The following AADACL4 variants were observed in gnomAD, a reference collection of about 807,000 sequenced individuals.
The protein encoded by AADACL4 is arylacetamide deacetylase like 4.
In AADACL4, 9 loss-of-function variants were observed where a neutral mutation model predicts 14.1. That is an observed-to-expected ratio of 0.64 (90% CI 0.39 to 1.12). The LOEUF (loss-of-function observed/expected upper bound fraction) is 1.12, where lower values mean the gene tolerates loss of function less well. AADACL4 is among the 50% of genes most tolerant of loss of function. The pLI is 0.01. For missense variants in AADACL4, 531 were observed against 516.1 expected, an observed-to-expected ratio of 1.03 and a Z score of -0.28; for synonymous variants, 188 against 201.6, an observed-to-expected ratio of 0.93 and a Z score of 0.57.
chr1:12,651,999 T>G (rs952251079), intron 2 of AADACL4, among the ~76,000 whole-genome samples: 1 of 151,896 alleles, frequency 6.6e-6, no homozygotes, highest in Non-Finnish European at 1.5e-5. Flanking sequence ...CAGCTAATTT[T>G]TTTTTTTTTG....
At chr1:12,665,157 A>G (rs188301477) in intron 3 of AADACL4, among the ~76,000 whole-genome samples, 174 of 152,340 alleles carry the variant, frequency 1.1e-3, no homozygotes, top group African/African-American at 4.1e-3. Context: ...CCTCCTGAGT[A>G]ACTGAGACTA....
chr1:12,665,581 C>T (rs998519017), intron 3 of AADACL4, among the ~76,000 whole-genome samples: 34 of 152,310 alleles, frequency 2.2e-4, no homozygotes, highest in African/African-American at 8.2e-4. Flanking sequence ...TTGACTTTAA[C>T]TTTAGTGTTC....
intron 1 of AADACL4, among the ~76,000 whole-genome samples, chr1:12,645,156 A>C (rs1196211656): frequency 6.2e-4 from 51 of 81,812 alleles, no homozygotes; most frequent in South Asian, 1.5e-3. Flanking sequence ...TCCTTCCTTC[A>C]TTCTCTCTCT....
Position 12,644,551 on chromosome 1 carries a change from C to A in AADACL4, c.5C>A (p.Ala2Asp), listed in dbSNP as rs1457888141. The change falls in exon 1 of 4, where the codon GCT becomes GAT. Residue 2 changes from alanine to aspartate, a missense_variant. By Grantham distance (126) the Ala-to-Asp change is moderately radical. Coordinates refer to ENST00000376221, the MANE Select transcript of AADACL4 (RefSeq NM_001013630.2). Reference protein sequence around the residue: MAVPWLVLLLAL... With the variant: MDVPWLVLLLAL... ...GCTCCTCAAGGCCCCAGGAACATGG[C>A]TGTCCCCTGGCTAGTGCTACTCTTG... The A allele has an allele frequency of 1.2e-6, 2 of 1,613,680 alleles. No homozygotes were observed. The highest frequency in any genetic ancestry group is 3.3e-5 in the Admixed American group (2 of 59,986).
intron 2 of AADACL4, among the ~76,000 whole-genome samples, chr1:12,661,285 C>G (rs1294783748): frequency 2.6e-5 from 4 of 152,166 alleles, no homozygotes; most frequent in Non-Finnish European, 5.9e-5. Flanking sequence ...TTGAGAATGA[C>G]TGCATTAGAA....
At position 12,666,884 on chromosome 1, in the gene AADACL4, G is replaced by T; in HGVS notation, c.*149G>T. The T allele has an allele frequency of 1.3e-6, 1 of 773,294 alleles. No homozygotes were observed. The highest frequency in any genetic ancestry group is 2.0e-6 in the Non-Finnish European group (1 of 509,016). The allele number at this position is 773,294 out of a possible 1,614,324, so 47.9% of individuals were successfully genotyped here. On this transcript the variant is annotated 3_prime_UTR_variant, in exon 4 of 4. Transcript: ENST00000376221. ...GGGTGAGAAGTAAGCTAACAGTCTT[G>T]CTTAGTATTCAAGAAAATCCAAACT...
Position 12,644,170 on chromosome 1 carries a change from C to T in AADACL4, c.-377C>T, listed in dbSNP as rs545517273. Among the ~76,000 whole-genome samples, 24 of 152,332 alleles carry T rather than the reference C, an allele frequency of 1.6e-4. No individual in the cohort carries two copies. The South Asian group carries it at 4.6e-3, about 29-fold the overall frequency. On this transcript the variant is annotated 5_prime_UTR_variant, in exon 1 of 4. Transcript: ENST00000376221. The stretch of plus-strand genomic sequence containing the variant: ...AAGGAAAGCTGGCGAAGTCTCTTAT[C>T]TTACAGTTGAAAGATCAGGCCCTGG...
chr1:12,651,538 T>C (rs902947659), intron 2 of AADACL4, among the ~76,000 whole-genome samples, 199 bp downstream of exon 2: 1 of 152,210 alleles, frequency 6.6e-6, no homozygotes, highest in Non-Finnish European at 1.5e-5. Flanking sequence ...AATCCTTTTC[T>C]TTTCTTTAAT....
intron 1 of AADACL4, among the ~76,000 whole-genome samples, chr1:12,648,418 A>G (rs1423818155): frequency 8.3e-6 from 1 of 120,372 alleles, no homozygotes; most frequent in Non-Finnish European, 1.6e-5. Context: ...TTTTTTTGAG[A>G]TGGAGTCTCA....
Position 12,666,053 on chromosome 1 carries a change from G to A in AADACL4, c.542G>A (p.Gly181Glu), listed in dbSNP as rs1230682558. 2 of 1,614,208 alleles carry A rather than the reference G, an allele frequency of 1.2e-6. No homozygotes were observed. The highest frequency in any genetic ancestry group is 1.7e-6 in the Non-Finnish European group (2 of 1,180,040). The change falls in exon 4 of 4, where the codon GGG becomes GAG. Residue 181 changes from glycine to glutamate, a missense_variant. By Grantham distance (98) the Gly-to-Glu change is moderately conservative. Coordinates refer to ENST00000376221, the MANE Select transcript of AADACL4 (RefSeq NM_001013630.2). ...TTCCTGAAGGCCCTGGAAACCTATGGGGTGGACCCCTCCAGGGTTGTGGTC... is the reference window on the plus strand; with the variant it reads ...TTCCTGAAGGCCCTGGAAACCTATGAGGTGGACCCCTCCAGGGTTGTGGTC... ...IHFLKALETYGVDPSRVVVCG... is the reference protein window; with the variant it reads ...IHFLKALETYEVDPSRVVVCG...
chr1:12,658,079 TTCTTTCTTTC>T (rs1405639376), intron 2 of AADACL4, among the ~76,000 whole-genome samples: 12 of 145,886 alleles, frequency 8.2e-5, no homozygotes, highest in Non-Finnish European at 1.3e-4. Flanking sequence ...CTTTCTTTCT[TTCTTTCTTTC>T]TCTTTCTTTC....
At position 12,644,704 on chromosome 1, in the gene AADACL4, T is replaced by C. The variant is rs747425045; in HGVS notation, c.158T>C (p.Leu53Pro). ...LRFLHCIFLY[L>P]VTLGNIFEKL... ...TTCCTGCATTGCATATTCCTCTACC[T>C]GGTCACTTTGGTGAGTTTACTCTCA... Residue 53 changes from leucine (L) to proline (P), a missense_variant, in exon 1 of 4, where the codon CTG becomes CCG. Leu to Pro is a moderately conservative substitution (Grantham distance 98, BLOSUM62 -3). Transcript: ENST00000376221. The C allele has an allele frequency of 3.7e-6, 6 of 1,613,828 alleles. No homozygotes were observed. In the South Asian group the frequency reaches 6.6e-5, roughly 18 times the overall value.
Position 12,652,766 on chromosome 1 carries a change from C to T in AADACL4, c.385+1427C>T, listed in dbSNP as rs12135623. ...TATGGTGTCCCCATAACTGTCCTGT[C>T]GCTGGTGGGTGTGTGTTTAACATGT... is the stretch of plus-strand genomic sequence containing the variant. On this transcript the variant is annotated intron_variant, in intron 2 of 3. Transcript: ENST00000376221. Among the ~76,000 whole-genome samples, 1,242 of 152,264 alleles carry T rather than the reference C, an allele frequency of 8.2e-3. 15 individuals are homozygous for T. The highest frequency in any genetic ancestry group is 0.014 in the Non-Finnish European group (978 of 68,018).
At chr1:12,652,814 T>C (rs1440313718) in intron 2 of AADACL4, among the ~76,000 whole-genome samples, 2 of 152,204 alleles carry the variant, frequency 1.3e-5, no homozygotes, top group Non-Finnish European at 2.9e-5. Flanking sequence ...AAGGAGGTCC[T>C]AGGAGAAGCC....
At chr1:12,658,647 G>GCTGCC (rs1445411295) in intron 2 of AADACL4, among the ~76,000 whole-genome samples, 1 of 151,898 alleles carries the variant, frequency 6.6e-6, no homozygotes, top group Non-Finnish European at 1.5e-5. Context: ...CTTGCTGACT[G>GCTGCC]CTGCCCTGCC....
chr1:12,660,804 C>T (rs554384034), intron 2 of AADACL4, among the ~76,000 whole-genome samples: 5 of 151,980 alleles, frequency 3.3e-5, no homozygotes, highest in African/African-American at 4.8e-5. Flanking sequence ...CCACCATGCC[C>T]GGCTAATTTT....
chr1:12,652,610 T>C (rs1647155657), intron 2 of AADACL4, among the ~76,000 whole-genome samples: 1 of 152,198 alleles, frequency 6.6e-6, no homozygotes, highest in South Asian at 2.1e-4. Context: ...TGGGATGGAC[T>C]CAAGAGAGAC....
At chr1:12,665,307 C>T (rs1647298489) in intron 3 of AADACL4, among the ~76,000 whole-genome samples, 1 of 152,236 alleles carries the variant, frequency 6.6e-6, no homozygotes, top group Non-Finnish European at 1.5e-5. Context: ...ACGGCAAGCT[C>T]TGCCTCCTGA....
chr1:12,665,368 G>A (rs1176041142), intron 3 of AADACL4, among the ~76,000 whole-genome samples: 1 of 152,062 alleles, frequency 6.6e-6, no homozygotes, highest in South Asian at 2.1e-4. Context: ...GACTATAGGC[G>A]CCCGCCACCA....
Sources: allele counts gnomAD v4.1 joint callset (sites outside exome capture counted in the v4.1 genomes callset), GRCh38; gene constraint gnomAD v4.1.1; transcripts MANE v1.5; gene names NCBI Gene and HGNC (gene_info 2026-07-23, HGNC 2026-07-21).